The following STK38 variants were observed in gnomAD, a reference collection of about 807,000 sequenced individuals.
STK38 encodes the protein serine/threonine-protein kinase 38.
A neutral mutation model predicts 59.0 loss-of-function variants in STK38; 26 were observed. That is an observed-to-expected ratio of 0.44 (90% CI 0.32 to 0.61). The LOEUF (loss-of-function observed/expected upper bound fraction) is 0.61. Among genes scored for constraint, STK38 ranks in the 20% least tolerant of loss-of-function variants. STK38 has a pLI of 0.04. For missense variants in STK38, 433 were observed against 566.0 expected, an observed-to-expected ratio of 0.76 and a Z score of 2.38; for synonymous variants, 175 against 176.6, an observed-to-expected ratio of 0.99 and a Z score of 0.07.
intron 1 of STK38, among the ~76,000 whole-genome samples, chr6:36,545,289 GAA>G (rs58104312): frequency 0.02 from 1,212 of 60,476 alleles, 19 homozygotes; most frequent in African/African-American, 0.065. Flanking sequence ...ACTCCGTCTG[GAA>G]AAAAAAAAAA....
intron 2 of STK38, among the ~76,000 whole-genome samples, chr6:36,533,573 G>C (rs1385626413): frequency 6.6e-6 from 1 of 151,992 alleles, no homozygotes; most frequent in African/African-American, 2.4e-5. Flanking sequence ...GCTCATTTTG[G>C]GGTATAATCT....
intron 10 of STK38, among the ~76,000 whole-genome samples, chr6:36,499,595 T>C (rs1485537530): frequency 6.6e-6 from 1 of 152,098 alleles, no homozygotes; most frequent in Non-Finnish European, 1.5e-5. Flanking sequence ...ATTTAATAAA[T>C]GCTAGTGACT....
chr6:36,494,526 G>T lies in STK38; in HGVS notation c.*1258C>A, dbSNP rs199968631. On this transcript the variant is annotated 3_prime_UTR_variant, in exon 14 of 14. Coordinates refer to ENST00000229812, the MANE Select transcript of STK38 (RefSeq NM_007271.4). Reference sequence around the variant, plus strand: ...GCAGCTGTGAAACAGAAGGCACTTTGTGCTAAAATTCAGAGGGTCTCTCAA... The same window carrying T: ...GCAGCTGTGAAACAGAAGGCACTTTTTGCTAAAATTCAGAGGGTCTCTCAA... 23 of 152,808 alleles carry T rather than the reference G, an allele frequency of 1.5e-4. No individual in the cohort carries two copies. The highest frequency in any genetic ancestry group is 5.0e-4 in the African/African-American group (21 of 41,588). 9.5% of individuals were successfully genotyped at this position (152,808 alleles called of 1,614,324 possible). A position where few individuals can be genotyped will look rare whatever the true frequency, so the allele number is the denominator to read the frequency against.
At chr6:36,521,674 A>C in intron 5 of STK38, 60 bp downstream of exon 5, 1 of 1,310,312 alleles carries the variant, frequency 7.6e-7, no homozygotes, top group Non-Finnish European at 1.0e-6. Context: ...TTAAACAAAA[A>C]GAAAAGTTTT....
At chr6:36,527,885 G>A (rs1777570228) in intron 2 of STK38, among the ~76,000 whole-genome samples, 1 of 151,354 alleles carries the variant, frequency 6.6e-6, no homozygotes, top group Admixed American at 6.6e-5. Context: ...AGATCACGAG[G>A]TCAGGAGATC....
intron 3 of STK38, among the ~76,000 whole-genome samples, chr6:36,524,966 C>G (rs544499801): frequency 6.6e-6 from 1 of 152,204 alleles, no homozygotes; most frequent in Non-Finnish European, 1.5e-5. Context: ...CCCTTGTTAA[C>G]TATATTTTCT....
intron 2 of STK38, among the ~76,000 whole-genome samples, chr6:36,532,587 C>T (rs564746049): frequency 2.0e-5 from 3 of 152,052 alleles, no homozygotes; most frequent in African/African-American, 4.8e-5. Flanking sequence ...ACCAGCCTGG[C>T]CAACGTGGTG....
intron 2 of STK38, among the ~76,000 whole-genome samples, chr6:36,533,693 C>T (rs1777723425): frequency 6.6e-6 from 1 of 152,258 alleles, no homozygotes; most frequent in South Asian, 2.1e-4. Context: ...TAGGGCAGAA[C>T]CAGTAGGATA....
Position 36,495,685 on chromosome 6 carries a change from G to A in STK38, c.*99C>T. ...GAGACTTTACTATGACATATTGGTG[G>A]GTTCCATCAACTTCTTGGAAGCTCT... On this transcript the variant is annotated 3_prime_UTR_variant, in exon 14 of 14. Transcript: ENST00000229812. 2 of 1,492,718 alleles carry A rather than the reference G, an allele frequency of 1.3e-6. No individual in the cohort carries two copies. The highest frequency in any genetic ancestry group is 1.2e-5 in the South Asian group (1 of 81,320). The allele number at this position is 1,492,718 out of a possible 1,614,324, so 92.5% of individuals were successfully genotyped here. A position where few individuals can be genotyped will look rare whatever the true frequency, so the allele number is the denominator to read the frequency against.
rs552352797 is a variant in STK38 at position 36,534,324 on chromosome 6, C to T, written c.131+5748G>A. On this transcript the variant is annotated intron_variant, in intron 2 of 13. Transcript: ENST00000229812. ...ATAAAAAGAAAAAATTCAACACCTA[C>T]TCATGATAAAAATTCTTAGCTCCTC... Among the ~76,000 whole-genome samples, 109 of 152,150 alleles carry T rather than the reference C, an allele frequency of 7.2e-4. 2 individuals carry two copies. The highest frequency in any genetic ancestry group is 5.6e-3 in the Admixed American group (86 of 15,270).
chr6:36,498,225 C>T lies in STK38; in HGVS notation c.1076+138G>A, dbSNP rs77953383. 7.8e-4 allele frequency: 971 copies of T among 1,249,008 alleles called. 1 individual carries two copies. In the African/African-American group the frequency reaches 0.013, roughly 16 times the overall value. 77.4% of individuals were successfully genotyped at this position (1,249,008 alleles called of 1,614,324 possible). On this transcript the variant is annotated intron_variant, in intron 11 of 13. Coordinates refer to ENST00000229812, the MANE Select transcript of STK38 (RefSeq NM_007271.4). ...GGAATTATAGGCGTAAGCCACCATGCACAGCCTTTTTATTTGTTTAAAGAG... is the reference window on the plus strand; with the variant it reads ...GGAATTATAGGCGTAAGCCACCATGTACAGCCTTTTTATTTGTTTAAAGAG...
intron 2 of STK38, among the ~76,000 whole-genome samples, chr6:36,538,891 CAAAAA>C (rs1214217676): frequency 1.8e-5 from 1 of 54,140 alleles, no homozygotes; most frequent in Non-Finnish European, 3.5e-5. Context: ...GACTCTGTCT[CAAAAA>C]AAAAAAAAAA....
At chr6:36,500,543 CG>C (rs924353811) in intron 9 of STK38, among the ~76,000 whole-genome samples, 29 of 151,962 alleles carry the variant, frequency 1.9e-4, no homozygotes, top group Admixed American at 9.8e-4. Context: ...GGGCGGATCA[CG>C]AGGTCAAGAG....
intron 9 of STK38, 31 bp downstream of exon 9, chr6:36,506,552 T>C: frequency 6.2e-7 from 1 of 1,603,152 alleles, no homozygotes; most frequent in Non-Finnish European, 8.5e-7. Context: ...ACTTGGTTTG[T>C]AGCATTTCAG....
chr6:36,525,090 G>T (rs1777478933), intron 3 of STK38, among the ~76,000 whole-genome samples: 1 of 152,140 alleles, frequency 6.6e-6, no homozygotes, highest in Non-Finnish European at 1.5e-5. Context: ...GGGGGGAAAG[G>T]GAGGGAGAGC....
rs1284531228 is a variant in STK38 at position 36,540,211 on chromosome 6, G to A, written c.-5-4C>T. The A allele has an allele frequency of 1.2e-6, 2 of 1,613,582 alleles. No individual in the cohort carries two copies. The highest frequency in any genetic ancestry group is 8.5e-7 in the Non-Finnish European group (1 of 1,179,794). The stretch of plus-strand genomic sequence containing the variant: ...GAGCCTGTCATTGCCATGGCTGCTA[G>A]AAACAAAGAAAAGAAGAGGTGTTAG... On this transcript the variant is annotated splice_polypyrimidine_tract_variant and splice_region_variant and intron_variant, in intron 1 of 13. Coordinates refer to ENST00000229812, the MANE Select transcript of STK38 (RefSeq NM_007271.4).
At chr6:36,543,069 A>G (rs1368086706) in intron 1 of STK38, among the ~76,000 whole-genome samples, 1 of 146,036 alleles carries the variant, frequency 6.8e-6, no homozygotes, top group Non-Finnish European at 1.5e-5. Context: ...ATAGCGCTCA[A>G]TTTTTTTTTT....
intron 9 of STK38, among the ~76,000 whole-genome samples, chr6:36,502,539 CTTG>C (rs1235345215): frequency 6.6e-6 from 1 of 151,712 alleles, no homozygotes; most frequent in Non-Finnish European, 1.5e-5. Flanking sequence ...CAGATTGACG[CTTG>C]TTATTTTTAT....
chr6:36,541,826 TTTTTC>T (rs1438123895), intron 1 of STK38, among the ~76,000 whole-genome samples: 1 of 132,752 alleles, frequency 7.5e-6, no homozygotes, highest in East Asian at 2.3e-4. Flanking sequence ...CATGTTTTTC[TTTTTC>T]TTTTTTTTTT....
Sources: gnomAD v4.1 joint callset for allele counts (sites outside exome capture counted in the v4.1 genomes callset) on GRCh38, gnomAD v4.1.1 for gene constraint, MANE v1.5 for transcripts, NCBI Gene and HGNC (gene_info 2026-07-23, HGNC 2026-07-21) for gene names.